NKAIN1: variants seen among roughly 807,000 people sequenced by gnomAD.
NKAIN1 encodes the protein sodium/potassium transporting ATPase interacting 1.
NKAIN1 carries 13 observed loss-of-function variants against 31.6 expected under a neutral mutation model. That is an observed-to-expected ratio of 0.41 (90% confidence interval 0.27 to 0.65). The LOEUF (loss-of-function observed/expected upper bound fraction) is 0.65, where lower values mean the gene tolerates loss of function less well. Ranked by LOEUF, NKAIN1 falls within the 30% of genes least tolerant of loss-of-function variation. NKAIN1 has a pLI of 0.30. For synonymous variants in NKAIN1, 104 were observed against 109.0 expected (o/e 0.95, Z 0.28); for missense variants, 193 against 262.2 (o/e 0.74, Z 1.82).
chr1:31,200,057 G>T (rs891555903), intron 1 of NKAIN1, among the ~76,000 whole-genome samples: 4 of 135,282 alleles, frequency 3.0e-5, no homozygotes, highest in Non-Finnish European at 5.0e-5. Flanking sequence ...GTGCACACAC[G>T]CACGCGCACG....
chr1:31,220,418 G>A (rs1645554835), intron 1 of NKAIN1, among the ~76,000 whole-genome samples: 2 of 151,958 alleles, frequency 1.3e-5, no homozygotes, highest in African/African-American at 4.8e-5. Flanking sequence ...CAGGGACATT[G>A]CCTCCCATAC....
rs1443360894 is a variant in NKAIN1 at position 31,233,233 on chromosome 1, A to G, written c.54+6261T>C. Among the ~76,000 whole-genome samples, 3 of 152,184 alleles carry G rather than the reference A, an allele frequency of 2.0e-5. No individual in the cohort carries two copies. Among genetic ancestry groups the G allele is most frequent in the African/African-American group, 7.2e-5 (3 of 41,440 alleles). Reference sequence around the variant, plus strand: ...CCAAAGTGCTGGGATTACAGGTGTGAGCTACCGCACCCAGCCGTGCATCAC... The same window carrying G: ...CCAAAGTGCTGGGATTACAGGTGTGGGCTACCGCACCCAGCCGTGCATCAC... On this transcript the variant is annotated intron_variant, in intron 1 of 6. Transcript: ENST00000373736. This position sits in a 1 kb window ranked among gnomAD's most constrained non-coding sequence, Gnocchi z 4.0.
At chr1:31,191,257 C>T (rs1034862076) in intron 1 of NKAIN1, among the ~76,000 whole-genome samples, 11 of 150,940 alleles carry the variant, frequency 7.3e-5, no homozygotes, top group African/African-American at 2.2e-4. Flanking sequence ...CGCCACTGTA[C>T]TCCAGCCTAG....
At chr1:31,184,085 A>G (rs1645224360) in intron 3 of NKAIN1, 71 bp from the exon 4 acceptor site, 2 of 1,376,456 alleles carry the variant, frequency 1.5e-6, no homozygotes, top group Admixed American at 4.0e-5. Context: ...CCAGCCCAGG[A>G]AGACTATATT....
chr1:31,212,526 T>G (rs1223477516), intron 1 of NKAIN1, among the ~76,000 whole-genome samples: 2 of 151,694 alleles, frequency 1.3e-5, no homozygotes, highest in African/African-American at 2.4e-5. Context: ...CACCTCAGAC[T>G]CTAGAGTGGC....
intron 1 of NKAIN1, among the ~76,000 whole-genome samples, chr1:31,212,266 T>C (rs1380828170): frequency 1.3e-5 from 2 of 152,064 alleles, no homozygotes; most frequent in African/African-American, 4.8e-5. Context: ...AGAATAAAGG[T>C]GCACTCCTTC....
At chr1:31,218,071 T>TCTTTCTTTCTC (rs201070152) in intron 1 of NKAIN1, among the ~76,000 whole-genome samples, 1 of 133,612 alleles carries the variant, frequency 7.5e-6, no homozygotes, top group African/African-American at 2.8e-5. Context: ...TTTCTTTCTT[T>TCTTTCTTTCTC]TTTTTTTTTG....
rs964275133 is a variant in NKAIN1, at chr1:31,182,449, C to CG, written c.532+80dup. The stretch of plus-strand genomic sequence containing the variant: ...TGGCCGACCCTGGGCTCCCTCCCGC[C>CG]GGGGCCAGTCACAGGCCTCTGTCCA... On this transcript the variant is annotated intron_variant, in intron 5 of 6. Transcript: ENST00000373736. 6 of 1,520,086 alleles carry CG rather than the reference C, an allele frequency of 3.9e-6. No homozygotes were observed. The African/African-American group carries it at 6.9e-5, about 17-fold the overall frequency. The allele number at this position is 1,520,086 out of a possible 1,614,324, so 94.2% of individuals were successfully genotyped here. A position where few individuals can be genotyped will look rare whatever the true frequency, so the allele number is the denominator to read the frequency against.
intron 1 of NKAIN1, among the ~76,000 whole-genome samples, chr1:31,195,749 C>A (rs1041485455): frequency 6.6e-6 from 1 of 151,666 alleles, no homozygotes; most frequent in Non-Finnish European, 1.5e-5. Flanking sequence ...TGGCATAAAG[C>A]CCCACCTCTA....
intron 1 of NKAIN1, among the ~76,000 whole-genome samples, chr1:31,218,667 T>C (rs560943392): frequency 1.3e-5 from 2 of 152,324 alleles, no homozygotes; most frequent in Non-Finnish European, 2.9e-5. Flanking sequence ...CATCAAGCAT[T>C]TGGCCATAGC....
At chr1:31,195,122 T>TC (rs1251788488) in intron 1 of NKAIN1, among the ~76,000 whole-genome samples, 1 of 140,862 alleles carries the variant, frequency 7.1e-6, no homozygotes, top group Non-Finnish European at 1.5e-5. Context: ...TATTCCTTCC[T>TC]CCTTTTTTTT....
At chr1:31,224,502 A>C (rs1030530180) in intron 1 of NKAIN1, among the ~76,000 whole-genome samples, 6 of 152,226 alleles carry the variant, frequency 3.9e-5, no homozygotes, top group African/African-American at 1.4e-4. Context: ...CGTAAGTCAA[A>C]AAACCATGTT....
At chr1:31,212,335 A>G (rs1557658011) in intron 1 of NKAIN1, among the ~76,000 whole-genome samples, 3 of 152,198 alleles carry the variant, frequency 2.0e-5, no homozygotes, top group Admixed American at 1.3e-4. Flanking sequence ...GTAAGAGCCA[A>G]AACTATAAGA....
chr1:31,215,029 G>C (rs1370965257), intron 1 of NKAIN1, among the ~76,000 whole-genome samples: 1 of 152,212 alleles, frequency 6.6e-6, no homozygotes, highest in African/African-American at 2.4e-5. Context: ...AAGGAGCCCG[G>C]AGGTCATTTG....
chr1:31,234,370 ATTGC>A (rs1421660076), intron 1 of NKAIN1, among the ~76,000 whole-genome samples: 2 of 151,916 alleles, frequency 1.3e-5, no homozygotes, highest in African/African-American at 4.8e-5. Context: ...CGCCGTCACT[ATTGC>A]TAATAACGAC....
At chr1:31,229,545 AT>A (rs926348037) in intron 1 of NKAIN1, among the ~76,000 whole-genome samples, 9 of 150,326 alleles carry the variant, frequency 6.0e-5, no homozygotes, top group Admixed American at 1.3e-4. Flanking sequence ...AATCTTTTAC[AT>A]TTTTTTTTCT....
At chr1:31,219,360 C>T (rs186125648) in intron 1 of NKAIN1, among the ~76,000 whole-genome samples, 5 of 152,390 alleles carry the variant, frequency 3.3e-5, no homozygotes, top group Admixed American at 6.5e-5. Context: ...AAGCAGCTGG[C>T]GCTGTCTATG....
At chr1:31,230,462 G>T (rs571318811) in intron 1 of NKAIN1, among the ~76,000 whole-genome samples, 1 of 152,196 alleles carries the variant, frequency 6.6e-6, no homozygotes, top group Non-Finnish European at 1.5e-5. Context: ...GCTTTGAGAG[G>T]GGCCAGGAGG....
chr1:31,216,788 G>A (rs1464291382), intron 1 of NKAIN1, among the ~76,000 whole-genome samples: 1 of 151,844 alleles, frequency 6.6e-6, no homozygotes, highest in Non-Finnish European at 1.5e-5. Flanking sequence ...CCACCTCCGG[G>A]GTTCAAGTGA....
Sources: allele counts gnomAD v4.1 joint callset (sites outside exome capture counted in the v4.1 genomes callset), GRCh38; gene constraint gnomAD v4.1.1; non-coding constraint Gnocchi (gnomAD v3.1); transcripts MANE v1.5; gene names NCBI Gene and HGNC (gene_info 2026-07-23, HGNC 2026-07-21).